ERBB4: variants seen among roughly 807,000 people sequenced by gnomAD.
The protein encoded by ERBB4 is erb-b2 receptor tyrosine kinase 4.
Under a neutral mutation model 158.0 loss-of-function variants are expected in ERBB4, and 42 were observed. That is an observed-to-expected ratio of 0.27 (90% CI 0.21 to 0.34). The LOEUF (loss-of-function observed/expected upper bound fraction) is 0.34, where lower values mean the gene tolerates loss of function less well. Among genes scored for constraint, ERBB4 ranks in the 10% least tolerant of loss-of-function variants. The pLI is 1.00. For synonymous variants in ERBB4, 583 were observed against 558.7 expected (o/e 1.04, Z -0.61); for missense variants, 1,333 against 1,624.1 (o/e 0.82, Z 3.08).
chr2:212,175,250 A>G (rs534143377), intron 1 of ERBB4, among the ~76,000 whole-genome samples: 1 of 152,204 alleles, frequency 6.6e-6, no homozygotes, highest in African/African-American at 2.4e-5. Flanking sequence ...AAAGCAGGCA[A>G]TAAATGTTGA....
At chr2:212,274,696 G>A (rs1025270157) in intron 1 of ERBB4, among the ~76,000 whole-genome samples, 5 of 151,656 alleles carry the variant, frequency 3.3e-5, no homozygotes, top group African/African-American at 9.7e-5. Context: ...ATAGGTTTGT[G>A]TATATTTTAT....
At chr2:212,310,535 G>C (rs1474493461) in intron 1 of ERBB4, among the ~76,000 whole-genome samples, 2 of 150,090 alleles carry the variant, frequency 1.3e-5, no homozygotes, top group African/African-American at 4.9e-5. Context: ...AATTTACTTT[G>C]TCTGGCAGCT....
At chr2:212,270,756 T>C (rs1385067588) in intron 1 of ERBB4, among the ~76,000 whole-genome samples, 2 of 151,710 alleles carry the variant, frequency 1.3e-5, no homozygotes, top group East Asian at 1.9e-4. Flanking sequence ...TGGAAAGGTC[T>C]GTTCAGGGAG....
intron 1 of ERBB4, among the ~76,000 whole-genome samples, chr2:212,309,590 T>C (rs72947337): frequency 0.037 from 5,573 of 150,804 alleles, 141 homozygotes; most frequent in South Asian, 0.083. Context: ...TTCCCTAGCA[T>C]AGAAAGCAAA....
In ERBB4 at chr2:211,772,898, CAT is replaced by C. The variant is rs71054142; in HGVS notation, c.556+15125_556+15126del. On this transcript the variant is annotated intron_variant, in intron 4 of 27. Transcript: ENST00000342788. Reference sequence around the variant, plus strand: ...ATATATATATATACACACACACACACATATATATATACACACACACACACACA... The same window carrying C: ...ATATATATATATACACACACACACACATATATATACACACACACACACACA... Among the ~76,000 whole-genome samples the C allele has an allele frequency of 3.7e-4, 18 of 48,112 alleles. 1 individual carries two copies. The East Asian group carries it at 4.7e-3, about 13-fold the overall frequency. The allele number at this position is 48,112 out of a possible 152,430, so 31.6% of individuals were successfully genotyped here. A position where few individuals can be genotyped will look rare whatever the true frequency, so the allele number is the denominator to read the frequency against.
At chr2:211,586,940 C>G (rs1318523821) in intron 19 of ERBB4, among the ~76,000 whole-genome samples, 2 of 152,114 alleles carry the variant, frequency 1.3e-5, no homozygotes, top group Non-Finnish European at 2.9e-5. Flanking sequence ...TCCTAACATC[C>G]AGTACCTCAG....
chr2:212,504,494 G>T (rs1005037872), intron 1 of ERBB4, among the ~76,000 whole-genome samples: 9 of 150,258 alleles, frequency 6.0e-5, no homozygotes, highest in African/African-American at 2.2e-4. Context: ...AGCCTATAGA[G>T]AAATAGAAAA....
At chr2:211,913,619 ATGTGTGTG>A (rs34762084) in intron 3 of ERBB4, among the ~76,000 whole-genome samples, 10,923 of 132,804 alleles carry the variant, frequency 0.082, 593 homozygotes, top group Non-Finnish European at 0.12. Flanking sequence ...ATATATATAT[ATGTGTGTG>A]TGTGTGTGTG....
chr2:211,409,903 C>T (rs2063222449), intron 25 of ERBB4, among the ~76,000 whole-genome samples: 1 of 152,158 alleles, frequency 6.6e-6, no homozygotes, highest in Non-Finnish European at 1.5e-5. Context: ...AGGTCCCTTG[C>T]AACTCTGACA....
chr2:211,861,450 A>G (rs748678444), intron 3 of ERBB4, among the ~76,000 whole-genome samples: 1 of 143,054 alleles, frequency 7.0e-6, no homozygotes, highest in Admixed American at 7.6e-5. Flanking sequence ...TCATCCTCCC[A>G]CTTCAGCCTC....
At chr2:212,095,190 T>C (rs2078893439) in intron 2 of ERBB4, among the ~76,000 whole-genome samples, 1 of 152,180 alleles carries the variant, frequency 6.6e-6, no homozygotes, top group African/African-American at 2.4e-5. Context: ...TTTTTTAAGG[T>C]ACTGAAAACA....
At chr2:211,621,338 GA>G (rs1045954123) in intron 18 of ERBB4, among the ~76,000 whole-genome samples, 26 of 151,706 alleles carry the variant, frequency 1.7e-4, no homozygotes, top group Non-Finnish European at 1.0e-4. Flanking sequence ...CTAATTAGGA[GA>G]AAAAAATAAT....
rs1205924597 is a variant in ERBB4 at position 211,861,130 on chromosome 2, A to ATATATATTT, written c.422-72972_422-72971insAAATATATA. Among the ~76,000 whole-genome samples, 4 of 29,062 alleles carry ATATATATTT rather than the reference A, an allele frequency of 1.4e-4. 1 individual carries two copies. Among genetic ancestry groups the ATATATATTT allele is most frequent in the East Asian group, 7.4e-4 (1 of 1,354 alleles). 19.1% of individuals were successfully genotyped at this position (29,062 alleles called of 152,430 possible). Reference sequence around the variant, plus strand: ...ATATATTTATATATATATTTTATATATATATATATATATATATATATATAT... The same window carrying ATATATATTT: ...ATATATTTATATATATATTTTATATATATATATTTTATATATATATATATATATATATAT... On this transcript the variant is annotated intron_variant, in intron 3 of 27. Transcript: ENST00000342788.
intron 3 of ERBB4, among the ~76,000 whole-genome samples, chr2:211,862,794 T>A (rs900005391): frequency 7.2e-5 from 11 of 152,220 alleles, no homozygotes; most frequent in African/African-American, 2.7e-4. Flanking sequence ...ATAAAAGGAA[T>A]TGTGCTGAAG....
Position 211,386,934 on chromosome 2 carries a change from C to A in ERBB4, c.3400G>T (p.Val1134Leu), listed in dbSNP as rs139785964. 5 of 1,614,128 alleles carry A rather than the reference C, an allele frequency of 3.1e-6. No homozygotes were observed. The highest frequency in any genetic ancestry group is 4.2e-6 in the Non-Finnish European group (5 of 1,180,016). The change falls in exon 27 of 28, where the codon GTG becomes TTG. Residue 1134 changes from valine to leucine, a missense_variant. Val to Leu is a conservative substitution (Grantham distance 32, BLOSUM62 1). This residue lies in a region of ERBB4 where 252 missense variants were observed against 241.3 expected (regional missense o/e 1.04). Transcript: ENST00000342788. ...CGTGGGCTCCGTTCTGGGGCAAACA[C>A]GGTGGGGTCAGCACTGTACCTCTGG... Reference protein sequence around the residue: ...STQRYSADPTVFAPERSPRGE... With the variant: ...STQRYSADPTLFAPERSPRGE...
rs570118756 is a variant in ERBB4 at position 212,260,618 on chromosome 2, G to T, written c.83-135715C>A. 3.9e-5 allele frequency among the ~76,000 whole-genome samples: 6 copies of T among 152,182 alleles called. No individual in the cohort carries two copies. The South Asian group carries it at 1.2e-3, about 32-fold the overall frequency. ...ACTTGAGGTCAGGAGTTCAAGACCA[G>T]CCTGGCAAACATGGTGAAACCCCGT... On this transcript the variant is annotated intron_variant, in intron 1 of 27. Coordinates refer to ENST00000342788, the MANE Select transcript of ERBB4 (RefSeq NM_005235.3).
chr2:211,658,270 G>T (rs1262338852), intron 15 of ERBB4, among the ~76,000 whole-genome samples: 3 of 152,070 alleles, frequency 2.0e-5, no homozygotes, highest in Non-Finnish European at 4.4e-5. Flanking sequence ...CTAATACTTT[G>T]AACTGATATG....
intron 20 of ERBB4, among the ~76,000 whole-genome samples, chr2:211,499,848 GTT>G (rs1247678014): frequency 6.6e-6 from 1 of 151,384 alleles, no homozygotes; most frequent in South Asian, 2.1e-4. Context: ...TTTGAGAAAA[GTT>G]TTTTTTTGGC....
At chr2:212,398,116 GTGTGTGTA>G (rs2091083970) in intron 1 of ERBB4, among the ~76,000 whole-genome samples, 1 of 151,120 alleles carries the variant, frequency 6.6e-6, no homozygotes, top group Non-Finnish European at 1.5e-5. Flanking sequence ...GTGTGTGTGT[GTGTGTGTA>G]TATATATACA....
Sources: gnomAD v4.1 joint callset for allele counts (sites outside exome capture counted in the v4.1 genomes callset) on GRCh38, gnomAD v4.1.1 for gene constraint, gnomAD v4.1.1 regional missense constraint, MANE v1.5 for transcripts, NCBI Gene and HGNC (gene_info 2026-07-23, HGNC 2026-07-21) for gene names.